MGAT4A: variants seen among roughly 807,000 people sequenced by gnomAD.
MGAT4A encodes N-acetylglucosaminyltransferase IVa.
A neutral mutation model predicts 74.1 loss-of-function variants in MGAT4A; 33 were observed. The observed-to-expected ratio is 0.45, with a 90% CI of 0.34 to 0.60. MGAT4A has a LOEUF of 0.60. Among genes scored for constraint, MGAT4A ranks in the 20% least tolerant of loss-of-function variants. The pLI, the probability that MGAT4A is intolerant of heterozygous loss-of-function variation, is 0.02. For synonymous variants in MGAT4A, 198 were observed against 210.4 expected (o/e 0.94, Z 0.51); for missense variants, 479 against 628.3 (o/e 0.76, Z 2.54).
At chr2:98,655,936 T>G (rs1701653663) in intron 7 of MGAT4A, 1 of 180,872 alleles carries the variant, frequency 5.5e-6, no homozygotes, top group African/African-American at 2.4e-5. Flanking sequence ...ATCTTAATGT[T>G]TCATCAAATG....
rs1020370980 is a variant in MGAT4A, at chr2:98,624,301, A to T, written c.*1265T>A. On this transcript the variant is annotated 3_prime_UTR_variant, in exon 16 of 16. Coordinates refer to ENST00000393487, the MANE Select transcript of MGAT4A (RefSeq NM_012214.3). Reference sequence around the variant, plus strand: ...TGCTGGGATTACAGGCGTGAGCCACAGCGCCTGGTGATAATTCATCATTTT... The same window carrying T: ...TGCTGGGATTACAGGCGTGAGCCACTGCGCCTGGTGATAATTCATCATTTT... 5.1e-5 allele frequency: 49 copies of T among 952,682 alleles called. No homozygotes were observed. Among genetic ancestry groups the T allele is most frequent in the Non-Finnish European group, 5.5e-5 (44 of 800,284 alleles). The allele number at this position is 952,682 out of a possible 1,614,324, so 59.0% of individuals were successfully genotyped here.
intron 10 of MGAT4A, among the ~76,000 whole-genome samples, chr2:98,642,901 A>G (rs180865786): frequency 8.5e-5 from 13 of 152,332 alleles, no homozygotes; most frequent in Non-Finnish European, 1.6e-4. Flanking sequence ...AGACACCAGA[A>G]GGTAGTATCC....
At chr2:98,688,330 C>T (rs556736888) in intron 2 of MGAT4A, among the ~76,000 whole-genome samples, 8 of 152,232 alleles carry the variant, frequency 5.3e-5, no homozygotes, top group African/African-American at 1.7e-4. Context: ...AAGACACTGT[C>T]ACAAGCGGAC....
chr2:98,700,619 G>A (rs193172529), intron 2 of MGAT4A, among the ~76,000 whole-genome samples: 208 of 152,040 alleles, frequency 1.4e-3, no homozygotes, highest in Non-Finnish European at 2.4e-3. Context: ...GGCTGGGCGC[G>A]GTGGCTCATG....
chr2:98,639,774 T>C lies in MGAT4A; in HGVS notation c.1322+34A>G, dbSNP rs780445027. ...TCACATTACGAATAAGAGATCCAAA[T>C]TGTAAGATCACATACATTTCAATAA... is the stretch of plus-strand genomic sequence containing the variant. On this transcript the variant is annotated intron_variant, in intron 12 of 15. Coordinates refer to ENST00000393487, the MANE Select transcript of MGAT4A (RefSeq NM_012214.3). 11 of 1,535,402 alleles carry C rather than the reference T, an allele frequency of 7.2e-6. No individual in the cohort carries two copies. The East Asian group carries it at 9.0e-5, about 13-fold the overall frequency.
chr2:98,634,712 G>T (rs146157096), intron 14 of MGAT4A, among the ~76,000 whole-genome samples: 1 of 148,922 alleles, frequency 6.7e-6, no homozygotes, highest in African/African-American at 2.5e-5. Flanking sequence ...AGTCTTCAGG[G>T]TGCCTCCCAG....
intron 2 of MGAT4A, 81 bp from the exon 3 acceptor site, chr2:98,678,552 A>T: frequency 1.1e-6 from 1 of 940,862 alleles, no homozygotes. Context: ...GTAAAATTAC[A>T]AAGTTTAAAG....
chr2:98,643,270 A>C (rs560452948), intron 10 of MGAT4A, among the ~76,000 whole-genome samples: 1 of 152,242 alleles, frequency 6.6e-6, no homozygotes, highest in African/African-American at 2.4e-5. Context: ...GTGATCCTCC[A>C]GTCTTGGGCT....
chr2:98,652,214 C>A (rs531965291), intron 8 of MGAT4A, among the ~76,000 whole-genome samples: 2 of 152,082 alleles, frequency 1.3e-5, no homozygotes, highest in East Asian at 3.8e-4. Flanking sequence ...CAAACGGACC[C>A]GACAGACATA....
At chr2:98,700,907 AC>A (rs947879443) in intron 2 of MGAT4A, among the ~76,000 whole-genome samples, 18 of 151,994 alleles carry the variant, frequency 1.2e-4, no homozygotes, top group African/African-American at 3.4e-4. Flanking sequence ...AAAAAAAAAA[AC>A]AATCTATTAC....
intron 2 of MGAT4A, among the ~76,000 whole-genome samples, chr2:98,711,981 C>T (rs1045577439): frequency 6.6e-6 from 1 of 152,128 alleles, no homozygotes; most frequent in Non-Finnish European, 1.5e-5. Context: ...ACACTCTTCA[C>T]CAGAAATTCC....
chr2:98,625,938 G>C, intron 14 of MGAT4A, 103 bp from the exon 15 acceptor site: 1 of 687,936 alleles, frequency 1.5e-6, no homozygotes, highest in African/African-American at 1.8e-5. Flanking sequence ...ATTTCTAGTA[G>C]ATGTCTTTTG....
chr2:98,701,589 T>C (rs1247396287), intron 2 of MGAT4A, among the ~76,000 whole-genome samples: 1 of 152,250 alleles, frequency 6.6e-6, no homozygotes, highest in East Asian at 1.9e-4. Flanking sequence ...CTGGAAAAAT[T>C]AGATTAGGAG....
intron 2 of MGAT4A, among the ~76,000 whole-genome samples, chr2:98,690,514 A>C (rs1702181318): frequency 1.3e-5 from 2 of 152,162 alleles, no homozygotes; most frequent in South Asian, 2.1e-4. Flanking sequence ...GTACCCTCCC[A>C]AAATGATGTC....
chr2:98,726,119 T>C, intron 2 of MGAT4A, 120 bp downstream of exon 2: 1 of 613,164 alleles, frequency 1.6e-6, no homozygotes, highest in Non-Finnish European at 2.9e-6. Context: ...AGAAAGAAAC[T>C]GCCAGCAGAT....
At chr2:98,645,702 T>G (rs1461146540) in intron 8 of MGAT4A, among the ~76,000 whole-genome samples, 160 bp from the exon 9 acceptor site, 2 of 151,806 alleles carry the variant, frequency 1.3e-5, no homozygotes, top group Non-Finnish European at 2.9e-5. Context: ...TAAAAGAAAG[T>G]GAAGAAAACA....
intron 8 of MGAT4A, among the ~76,000 whole-genome samples, chr2:98,654,155 A>T (rs1378292700): frequency 1.3e-5 from 2 of 152,186 alleles, no homozygotes; most frequent in Non-Finnish European, 2.9e-5. Context: ...ATAGAAAAAA[A>T]CTTATTCAAC....
intron 14 of MGAT4A, among the ~76,000 whole-genome samples, chr2:98,634,418 C>G (rs979152980): frequency 6.6e-6 from 1 of 151,894 alleles, no homozygotes; most frequent in African/African-American, 2.4e-5. Flanking sequence ...ATCAGAGGAA[C>G]AACAGTCTCA....
chr2:98,710,113 A>C (rs1488757903), intron 2 of MGAT4A, among the ~76,000 whole-genome samples: 1 of 152,204 alleles, frequency 6.6e-6, no homozygotes, highest in Non-Finnish European at 1.5e-5. Context: ...ATAGACACCC[A>C]AATTTTGAAG....
Sources: allele counts gnomAD v4.1 joint callset (sites outside exome capture counted in the v4.1 genomes callset), GRCh38; gene constraint gnomAD v4.1.1; transcripts MANE v1.5; gene names NCBI Gene and HGNC (gene_info 2026-07-23, HGNC 2026-07-21).